The following PRKDC variants were observed in gnomAD, a reference collection of about 807,000 sequenced individuals.
The protein encoded by PRKDC is DNA-dependent protein kinase catalytic subunit.
PRKDC carries 82 observed loss-of-function variants against 486.9 expected under a neutral mutation model. The observed-to-expected ratio is 0.17, with a 90% CI of 0.14 to 0.20. The LOEUF (loss-of-function observed/expected upper bound fraction) is 0.20, where lower values mean the gene tolerates loss of function less well. Ranked by LOEUF, PRKDC falls within the 10% of genes least tolerant of loss-of-function variation. PRKDC has a pLI of 1.00. For missense variants in PRKDC, 4,504 were observed against 5,038.2 expected (o/e 0.89, Z 3.21); for synonymous variants, 1,895 against 1,837.0 (o/e 1.03, Z -0.81).
chr8:47,808,558 T>C (rs1464211489), intron 68 of PRKDC, among the ~76,000 whole-genome samples: 1 of 152,166 alleles, frequency 6.6e-6, no homozygotes, highest in South Asian at 2.1e-4. Context: ...CACTACAGCC[T>C]TGAATTCCTG....
intron 60 of PRKDC, 32 bp downstream of exon 60, chr8:47,831,782 C>T (rs765576260): frequency 5.0e-6 from 8 of 1,600,052 alleles, no homozygotes; most frequent in Admixed American, 1.7e-5. Context: ...GAAACTGCAT[C>T]GTTCTGATCA....
At chr8:47,857,995 C>G (rs777498024) in intron 48 of PRKDC, among the ~76,000 whole-genome samples, 17 of 152,170 alleles carry the variant, frequency 1.1e-4, no homozygotes, top group Admixed American at 9.8e-4. Context: ...ACCTGCTTGG[C>G]TCACCCAGGG....
At chr8:47,941,021 T>C (rs2090434893) in intron 10 of PRKDC, among the ~76,000 whole-genome samples, 1 of 151,656 alleles carries the variant, frequency 6.6e-6, no homozygotes, top group African/African-American at 2.4e-5. Flanking sequence ...TCCCAACTAT[T>C]TGGGAGGCTG....
At chr8:47,907,121 A>G (rs545170549) in intron 25 of PRKDC, among the ~76,000 whole-genome samples, 2 of 151,218 alleles carry the variant, frequency 1.3e-5, no homozygotes, top group African/African-American at 4.8e-5. Flanking sequence ...GCTCACTGCA[A>G]GCTCCGCCTC....
At chr8:47,937,959 TA>T in intron 11 of PRKDC, among the ~76,000 whole-genome samples, 1 of 152,132 alleles carries the variant, frequency 6.6e-6, no homozygotes, top group Admixed American at 6.5e-5. Context: ...TACGAAAGAT[TA>T]AAAAATTTGC....
intron 19 of PRKDC, among the ~76,000 whole-genome samples, chr8:47,928,350 G>A (rs1428547143): frequency 2.0e-5 from 3 of 151,508 alleles, no homozygotes; most frequent in African/African-American, 7.3e-5. Context: ...ATGGGATTTC[G>A]CCATGTTGGC....
At chr8:47,857,099 TCTATAGG>T (rs2088558189) in intron 49 of PRKDC, 50 bp downstream of exon 49, 6 of 1,551,724 alleles carry the variant, frequency 3.9e-6, no homozygotes, top group Non-Finnish European at 5.2e-6. Flanking sequence ...TGTCATAGGC[TCTATAGG>T]CTATTGGCAA....
intron 63 of PRKDC, among the ~76,000 whole-genome samples, chr8:47,824,593 T>C (rs761920557): frequency 1.3e-5 from 2 of 152,042 alleles, no homozygotes; most frequent in Non-Finnish European, 2.9e-5. Flanking sequence ...GGCGAACCAT[T>C]TGGAATCCTT....
chr8:47,891,711 A>G (rs1056962052), intron 31 of PRKDC, among the ~76,000 whole-genome samples: 1 of 152,088 alleles, frequency 6.6e-6, no homozygotes, highest in Admixed American at 6.5e-5. Context: ...CGGAGACTCC[A>G]TTTCAAAAAA....
intron 51 of PRKDC, 68 bp from the exon 52 acceptor site, chr8:47,852,852 C>G: frequency 9.4e-7 from 1 of 1,066,130 alleles, no homozygotes; most frequent in South Asian, 1.4e-5. Context: ...ATATAAATGA[C>G]AATTTTCCTT....
At chr8:47,887,835 A>G (rs1378158123) in intron 34 of PRKDC, 130 bp from the exon 35 acceptor site, 6 of 1,010,480 alleles carry the variant, frequency 5.9e-6, no homozygotes, top group Non-Finnish European at 8.4e-6. Flanking sequence ...ATTCAGAAAA[A>G]TTTTAATTCA....
At chr8:47,946,559 A>G (rs1254628283) in intron 7 of PRKDC, among the ~76,000 whole-genome samples, 2 of 151,950 alleles carry the variant, frequency 1.3e-5, no homozygotes, top group Non-Finnish European at 2.9e-5. Context: ...GCAGCCCTGC[A>G]CTGCCTCCTC....
Position 47,914,003 on chromosome 8 carries a change from G to A in PRKDC, c.2679C>T (p.Ser893=). Residue 893 remains serine (S), a synonymous_variant, in exon 24 of 86, where the codon AGC becomes AGT. Coordinates refer to ENST00000314191, the MANE Select transcript of PRKDC (RefSeq NM_006904.7). ...TCATCTCTCTAAAGGGCACTGCAAA[G>A]CTCAGCCGCTTCTCTCTGTCCCAGG... ...YVAWDREKRL[S]FAVPFREMKP... 1 of 1,602,786 alleles carries A rather than the reference G, an allele frequency of 6.2e-7. No individual in the cohort carries two copies.
At chr8:47,887,256 A>C (rs2089356040) in intron 35 of PRKDC, among the ~76,000 whole-genome samples, 1 of 152,266 alleles carries the variant, frequency 6.6e-6, no homozygotes, top group East Asian at 1.9e-4. Flanking sequence ...AAGAGGCCAC[A>C]TGTCAACATG....
intron 63 of PRKDC, among the ~76,000 whole-genome samples, chr8:47,825,033 A>G (rs945375705): frequency 3.3e-5 from 5 of 152,190 alleles, no homozygotes; most frequent in African/African-American, 1.2e-4. Context: ...CCCTGATTAC[A>G]GAATGTTAGG....
Position 47,930,722 on chromosome 8 carries a change from T to C in PRKDC, c.1842A>G (p.Pro614=). The change falls in exon 17 of 86, where the codon CCA becomes CCG. Residue 614 remains proline (P), a synonymous_variant. Transcript: ENST00000314191. ...PTSDPAANLH[P]AKPKDFSAFI... is the part of the protein sequence containing the mutation. The stretch of plus-strand genomic sequence containing the variant: ...AAGCCGAAAAATCTTTAGGTTTAGC[T>C]GGATGCAAGTTAGCCGCTGGATCTG... The C allele has an allele frequency of 1.3e-6, 2 of 1,591,638 alleles. No homozygotes were observed. The highest frequency in any genetic ancestry group is 1.2e-5 in the South Asian group (1 of 86,904).
rs1258990437 is a variant in PRKDC at position 47,828,134 on chromosome 8, A to C, written c.8577+34T>G. ...AAGGCCATGTGAAGCCACAGCAAAC[A>C]ATGTATATTTGATGAAGTGTGTGCA... On this transcript the variant is annotated intron_variant, in intron 62 of 85. Transcript: ENST00000314191. 3.8e-6 allele frequency: 6 copies of C among 1,583,982 alleles called. No individual in the cohort carries two copies. In the South Asian group the frequency reaches 6.8e-5, roughly 18 times the overall value.
In PRKDC at chr8:47,806,622, C is replaced by T. The variant is rs184155716; in HGVS notation, c.9747+515G>A. Among the ~76,000 whole-genome samples, 7 of 152,276 alleles carry T rather than the reference C, an allele frequency of 4.6e-5. No individual in the cohort carries two copies. In the East Asian group the frequency reaches 1.3e-3, roughly 29 times the overall value. ...TATATACATTTAAATAGATTACATGCAATTTTTAAGCAATGTATACTTAAT... is the reference window on the plus strand; with the variant it reads ...TATATACATTTAAATAGATTACATGTAATTTTTAAGCAATGTATACTTAAT... On this transcript the variant is annotated intron_variant, in intron 69 of 85. Transcript: ENST00000314191.
chr8:47,783,451 G>A (rs1029065835), intron 78 of PRKDC, among the ~76,000 whole-genome samples: 3 of 151,832 alleles, frequency 2.0e-5, no homozygotes, highest in Admixed American at 1.3e-4. Context: ...AGAGCTGGGC[G>A]TGATGGCGTG....
Sources: gnomAD v4.1 joint callset for allele counts (sites outside exome capture counted in the v4.1 genomes callset) on GRCh38, gnomAD v4.1.1 for gene constraint, MANE v1.5 for transcripts, NCBI Gene and HGNC (gene_info 2026-07-23, HGNC 2026-07-21) for gene names.